TMEM117: variants seen among roughly 807,000 people sequenced by gnomAD.
TMEM117 encodes the protein transmembrane protein 117.
Under a neutral mutation model 52.4 loss-of-function variants are expected in TMEM117, and 27 were observed. The ratio of observed to expected loss-of-function variants is 0.51; its 90% confidence interval spans 0.38 to 0.71. The LOEUF (loss-of-function observed/expected upper bound fraction) is 0.71, where lower values mean the gene tolerates loss of function less well. Among genes scored for constraint, TMEM117 ranks in the 30% least tolerant of loss-of-function variants. TMEM117 has a pLI of 0.00. For synonymous variants in TMEM117, 215 were observed against 206.3 expected, an observed-to-expected ratio of 1.04 and a Z score of -0.36; for missense variants, 556 against 630.5, an observed-to-expected ratio of 0.88 and a Z score of 1.26.
At chr12:44,395,452 T>G in the TMEM117 span, among the ~76,000 whole-genome samples, 4 of 152,190 alleles carry the variant, frequency 2.6e-5, no homozygotes, top group African/African-American at 9.7e-5. Flanking sequence ...CTATCTATTC[T>G]CCACACTTGT....
chr12:44,339,445 G>C lies in TMEM117; in HGVS notation c.769-37150G>C, dbSNP rs1050453778. On this transcript the variant is annotated intron_variant, in intron 6 of 7. Transcript: ENST00000266534. Reference sequence around the variant, plus strand: ...TAGTAGCCAATGGAATTAAATAAGAGATATAAAGCAGGAAGCAAGATCATC... The same window carrying C: ...TAGTAGCCAATGGAATTAAATAAGACATATAAAGCAGGAAGCAAGATCATC... Among the ~76,000 whole-genome samples, 7 of 152,070 alleles carry C rather than the reference G, an allele frequency of 4.6e-5. No homozygotes were observed. In the East Asian group the frequency reaches 1.4e-3, roughly 30 times the overall value.
At chr12:44,094,072 G>A (rs1017770067) in intron 3 of TMEM117, among the ~76,000 whole-genome samples, 7 of 152,044 alleles carry the variant, frequency 4.6e-5, no homozygotes, top group Non-Finnish European at 1.0e-4. Flanking sequence ...GATGTATTAC[G>A]ACCCTTGTTT....
chr12:43,812,756 A>G, the TMEM117 span, among the ~76,000 whole-genome samples: 1 of 151,728 alleles, frequency 6.6e-6, no homozygotes, highest in Admixed American at 6.6e-5. Flanking sequence ...CTGTAATCGC[A>G]GGACTTTTGA....
chr12:44,311,797 G>GTATGTATATATGTA (rs1950984131), intron 6 of TMEM117, among the ~76,000 whole-genome samples: 8 of 22,216 alleles, frequency 3.6e-4, no homozygotes, highest in Middle Eastern at 0.017. Flanking sequence ...GTATATATAT[G>GTATGTATATATGTA]TATATATGTA....
chr12:43,953,872 G>A (rs7488456), intron 3 of TMEM117, among the ~76,000 whole-genome samples: 48,269 of 151,926 alleles, frequency 0.32, 8,942 homozygotes, highest in Non-Finnish European at 0.43. Context: ...GCACCACATG[G>A]CACTTACTCT....
At chr12:44,372,874 A>G (rs1250115087) in intron 6 of TMEM117, among the ~76,000 whole-genome samples, 1 of 152,214 alleles carries the variant, frequency 6.6e-6, no homozygotes, top group Non-Finnish European at 1.5e-5. Flanking sequence ...CCTGAGGCAG[A>G]TGTTCACATC....
chr12:44,348,237 A>G (rs2138771153), intron 6 of TMEM117, among the ~76,000 whole-genome samples: 1 of 149,938 alleles, frequency 6.7e-6, no homozygotes, highest in Admixed American at 6.8e-5. Context: ...AAGGAATAAT[A>G]TCTTTGACAA....
intron 5 of TMEM117, among the ~76,000 whole-genome samples, chr12:44,271,134 T>C (rs1950440736): frequency 6.6e-6 from 1 of 152,114 alleles, no homozygotes; most frequent in South Asian, 2.1e-4. Context: ...GTTTTGTTTT[T>C]TTGTTATGTC....
intron 3 of TMEM117, among the ~76,000 whole-genome samples, chr12:43,950,723 A>T (rs1173266739): frequency 3.3e-5 from 5 of 151,838 alleles, no homozygotes; most frequent in African/African-American, 9.7e-5. Context: ...AACAGACAAA[A>T]TTTTTTTTCT....
chr12:44,134,696 A>G (rs1276078150), intron 3 of TMEM117, among the ~76,000 whole-genome samples: 2 of 152,152 alleles, frequency 1.3e-5, no homozygotes, highest in South Asian at 2.1e-4. Context: ...ATTTAGTGTC[A>G]TTTATTTCTA....
chr12:44,092,091 G>A (rs1218006416), intron 3 of TMEM117, among the ~76,000 whole-genome samples: 1 of 152,138 alleles, frequency 6.6e-6, no homozygotes, highest in Non-Finnish European at 1.5e-5. Flanking sequence ...GAATTAGCAT[G>A]GTTCACTGGT....
At chr12:44,311,426 G>A (rs965831494) in intron 6 of TMEM117, among the ~76,000 whole-genome samples, 34 of 152,008 alleles carry the variant, frequency 2.2e-4, no homozygotes, top group Admixed American at 7.2e-4. Context: ...CCCTTCCTGG[G>A]CCTTCTAAAG....
intron 6 of TMEM117, among the ~76,000 whole-genome samples, chr12:44,363,939 C>CGA (rs1187909407): frequency 6.6e-6 from 1 of 152,144 alleles, no homozygotes; most frequent in African/African-American, 2.4e-5. Flanking sequence ...GAACCTTCTT[C>CGA]AGAGAACTGA....
intron 3 of TMEM117, among the ~76,000 whole-genome samples, chr12:44,067,455 C>T (rs558211663): frequency 2.5e-4 from 38 of 152,272 alleles, no homozygotes; most frequent in African/African-American, 8.2e-4. Context: ...TGAAGTTACT[C>T]CTTGATCCAT....
At chr12:43,812,536 A>G in the TMEM117 span, among the ~76,000 whole-genome samples, 2 of 152,342 alleles carry the variant, frequency 1.3e-5, no homozygotes, top group East Asian at 3.9e-4. Flanking sequence ...GAGAAATGTC[A>G]AATTCTTGTT....
chr12:44,296,410 C>G (rs368968188), intron 5 of TMEM117, among the ~76,000 whole-genome samples: 2 of 152,176 alleles, frequency 1.3e-5, no homozygotes, highest in Non-Finnish European at 2.9e-5. Context: ...ACAAATGTAC[C>G]TCCTGCCAGG....
At chr12:44,192,311 A>G (rs751159817) in intron 4 of TMEM117, among the ~76,000 whole-genome samples, 1 of 152,186 alleles carries the variant, frequency 6.6e-6, no homozygotes, top group Non-Finnish European at 1.5e-5. Flanking sequence ...ACTGCCTTTC[A>G]GGACCTACTG....
At chr12:44,239,445 T>G (rs958371131) in intron 5 of TMEM117, among the ~76,000 whole-genome samples, 3 of 152,188 alleles carry the variant, frequency 2.0e-5, no homozygotes, top group African/African-American at 7.2e-5. Context: ...TGTCACAATA[T>G]TCCTCTTATT....
chr12:43,811,121 T>C, the TMEM117 span, among the ~76,000 whole-genome samples: 1 of 152,252 alleles, frequency 6.6e-6, no homozygotes, highest in Non-Finnish European at 1.5e-5. Context: ...GCAAGGTGCT[T>C]AGCTAAAAGT....
Sources: gnomAD v4.1 joint callset for allele counts (sites outside exome capture counted in the v4.1 genomes callset) on GRCh38, gnomAD v4.1.1 for gene constraint, MANE v1.5 for transcripts, NCBI Gene and HGNC (gene_info 2026-07-23, HGNC 2026-07-21) for gene names.